Variants in TLK1 observed in about 807,000 individuals in gnomAD.
TLK1 encodes the protein tousled like kinase 1.
TLK1 carries 24 observed loss-of-function variants against 105.3 expected under a neutral mutation model. That is an observed-to-expected ratio of 0.23 (90% confidence interval 0.17 to 0.32). The LOEUF is 0.32. Ranked by LOEUF, TLK1 falls within the 10% of genes least tolerant of loss-of-function variation. The pLI is 1.00. For missense variants in TLK1, 558 were observed against 910.5 expected (o/e 0.61, Z 4.98); for synonymous variants, 321 against 310.4 (o/e 1.03, Z -0.36).
intron 20 of TLK1, among the ~76,000 whole-genome samples, chr2:170,996,425 A>C (rs1400141046): frequency 6.6e-6 from 1 of 152,218 alleles, no homozygotes; most frequent in Non-Finnish European, 1.5e-5. Flanking sequence ...TCAAAGTAGC[A>C]GCTGATGAAC....
intron 12 of TLK1, among the ~76,000 whole-genome samples, chr2:171,023,589 T>C (rs1685634480): frequency 6.6e-6 from 1 of 152,122 alleles, no homozygotes; most frequent in South Asian, 2.1e-4. Context: ...AAGAGTAACA[T>C]ACCCACATGC....
Position 171,055,096 on chromosome 2 carries a change from A to G in TLK1, c.626T>C (p.Phe209Ser). The G allele has an allele frequency of 1.3e-6, 2 of 1,484,234 alleles. No homozygotes were observed. The highest frequency in any genetic ancestry group is 2.6e-5 in the East Asian group (1 of 38,434). 91.9% of individuals were successfully genotyped at this position (1,484,234 alleles called of 1,614,324 possible). The change falls in exon 7 of 21, where the codon TTT becomes TCT. Residue 209 changes from phenylalanine (F) to serine (S), a missense_variant. Around this residue, in one of 5 missense-constraint regions of TLK1, gnomAD observed 196 missense variants for 239.3 expected, o/e 0.82. Transcript: ENST00000431350. ...ATTATCATTTACCTGAATAATTTTA[A>G]AGGATAATTGCTTTGGTTGTACAAT... The part of the protein sequence containing the change: ...HPIVQPKQLS[F>S]KIIQTDLTML...
intron 12 of TLK1, among the ~76,000 whole-genome samples, chr2:171,015,853 C>T (rs79942781): frequency 4.0e-5 from 6 of 151,550 alleles, no homozygotes; most frequent in African/African-American, 9.7e-5. Flanking sequence ...CTGTGGCGGG[C>T]GGATCACCTG....
chr2:171,090,367 AATTATTT>A lies in TLK1; in HGVS notation c.259-7522_259-7516del, dbSNP rs1689175252. On this transcript the variant is annotated intron_variant, in intron 2 of 20. Coordinates refer to ENST00000431350, the MANE Select transcript of TLK1 (RefSeq NM_012290.5). ...CTTAACTAATTTACTTATTAGTTTT[AATTATTT>A]TTAGATTCCTTGTGATTTTTCTCTA... 2.1e-5 allele frequency among the ~76,000 whole-genome samples: 3 copies of A among 144,946 alleles called. 1 individual carries two copies. In the South Asian group the frequency reaches 6.3e-4, roughly 31 times the overall value.
At chr2:171,203,961 A>G (rs1693451359) in intron 1 of TLK1, among the ~76,000 whole-genome samples, 1 of 152,082 alleles carries the variant, frequency 6.6e-6, no homozygotes. Context: ...CTGAGGCAGG[A>G]GAATCGCTTG....
rs533365000 is a variant in TLK1 at position 171,095,268 on chromosome 2, A to G, written c.259-12416T>C. Among the ~76,000 whole-genome samples, 13 of 152,178 alleles carry G rather than the reference A, an allele frequency of 8.5e-5. No homozygotes were observed. In the South Asian group the frequency reaches 2.7e-3, roughly 32 times the overall value. On this transcript the variant is annotated intron_variant, in intron 2 of 20. Coordinates refer to ENST00000431350, the MANE Select transcript of TLK1 (RefSeq NM_012290.5). ...CCAAAGCAAGCAGGGGGGAAAATAT[A>G]TATCACAGCAGAAACAAATGAAATA...
At chr2:171,061,675 A>G (rs1687757770) in intron 3 of TLK1, among the ~76,000 whole-genome samples, 1 of 152,248 alleles carries the variant, frequency 6.6e-6, no homozygotes, top group Admixed American at 6.5e-5. Context: ...GTTATAGCCA[A>G]TTCACAGATT....
intron 4 of TLK1, chr2:171,059,862 G>GC: frequency 1.2e-6 from 1 of 866,838 alleles, no homozygotes; most frequent in Non-Finnish European, 2.0e-6. Context: ...AGAATCTAAC[G>GC]CTGCCGCTGA....
At chr2:171,216,569 A>G (rs1196569455) in intron 1 of TLK1, among the ~76,000 whole-genome samples, 1 of 152,224 alleles carries the variant, frequency 6.6e-6, no homozygotes, top group African/African-American at 2.4e-5. Context: ...TCTATTTGAC[A>G]AGTAGAAACT....
At chr2:171,116,419 G>C (rs1249350762) in intron 2 of TLK1, among the ~76,000 whole-genome samples, 1 of 152,060 alleles carries the variant, frequency 6.6e-6, no homozygotes, top group Non-Finnish European at 1.5e-5. Context: ...GCTCAAAATA[G>C]GCCGACCGTG....
intron 18 of TLK1, among the ~76,000 whole-genome samples, chr2:171,001,594 C>T (rs575628077): frequency 2.0e-5 from 3 of 152,274 alleles, no homozygotes; most frequent in East Asian, 3.9e-4. Flanking sequence ...AACCCAATTG[C>T]ATTTGCATAA....
intron 1 of TLK1, among the ~76,000 whole-genome samples, chr2:171,180,644 G>C (rs1692912130): frequency 6.6e-6 from 1 of 152,154 alleles, no homozygotes; most frequent in Admixed American, 6.5e-5. Flanking sequence ...TCTGTGTGAA[G>C]CTTTGTGCTG....
chr2:171,162,833 C>G (rs1442659089), upstream of TLK1, among the ~76,000 whole-genome samples: 1 of 152,194 alleles, frequency 6.6e-6, no homozygotes, highest in African/African-American at 2.4e-5. Context: ...GAGTCTTACT[C>G]TGTTTTGCCC....
At chr2:171,021,812 A>C (rs1685522294) in intron 12 of TLK1, among the ~76,000 whole-genome samples, 1 of 151,968 alleles carries the variant, frequency 6.6e-6, no homozygotes, top group Admixed American at 6.6e-5. Context: ...AATATTAAAC[A>C]CTGTGGATCA....
At chr2:171,203,920 C>T (rs940572403) in intron 1 of TLK1, among the ~76,000 whole-genome samples, 20 of 152,010 alleles carry the variant, frequency 1.3e-4, no homozygotes, top group African/African-American at 3.1e-4. Context: ...GGCGTGGTGG[C>T]GCACACCTGT....
chr2:171,208,242 T>C (rs1350542462), intron 1 of TLK1, among the ~76,000 whole-genome samples: 2 of 152,212 alleles, frequency 1.3e-5, no homozygotes, highest in African/African-American at 2.4e-5. Context: ...ATAAATTGAA[T>C]TCATGGTGTT....
At chr2:171,000,771 T>C (rs1317500877) in intron 18 of TLK1, among the ~76,000 whole-genome samples, 1 of 152,186 alleles carries the variant, frequency 6.6e-6, no homozygotes, top group Non-Finnish European at 1.5e-5. Context: ...TTAGTTTCAG[T>C]GCCTGTATTA....
rs767166220 is a variant in TLK1, at chr2:171,055,168, C to T, written c.554G>A (p.Arg185Gln). ...HSHSTPSSSV[R>Q]PNSPSPTALA... The stretch of plus-strand genomic sequence containing the variant: ...TGCAGTAGGAGAAGGGCTATTCGGT[C>T]GAACCTAAAGAAATTATTAAAATTT... The change falls in exon 7 of 21, where the codon CGA becomes CAA. Residue 185 changes from arginine (R) to glutamine (Q), a missense_variant. Physicochemically the swap from Arg to Gln is conservative, Grantham distance 43. Coordinates refer to ENST00000431350, the MANE Select transcript of TLK1 (RefSeq NM_012290.5). 5.0e-6 allele frequency: 7 copies of T among 1,398,714 alleles called. No homozygotes were observed. Among genetic ancestry groups the T allele is most frequent in the Admixed American group, 6.0e-5 (2 of 33,088 alleles). 86.6% of individuals were successfully genotyped at this position (1,398,714 alleles called of 1,614,324 possible).
At chr2:171,189,208 C>CTTTTTTTTTTTTTT in intron 1 of TLK1, among the ~76,000 whole-genome samples, 1 of 150,188 alleles carries the variant, frequency 6.7e-6, no homozygotes. Context: ...GCTCTGTCGC[C>CTTTTTTTTTTTTTT]CAGACTAGAG....
Sources: allele counts gnomAD v4.1 joint callset (sites outside exome capture counted in the v4.1 genomes callset), GRCh38; gene constraint gnomAD v4.1.1; regional missense constraint gnomAD v4.1.1; transcripts MANE v1.5; gene names NCBI Gene and HGNC (gene_info 2026-07-23, HGNC 2026-07-21).